Variants in NRG1 observed in about 807,000 individuals in gnomAD.
NRG1 encodes pro-neuregulin-1, membrane-bound isoform.
A neutral mutation model predicts 63.8 loss-of-function variants in NRG1; 18 were observed. The observed-to-expected ratio is 0.28, with a 90% CI of 0.19 to 0.42. The LOEUF is 0.42. Ranked by LOEUF, NRG1 falls within the 10% of genes least tolerant of loss-of-function variation. The pLI, the probability that NRG1 is intolerant of heterozygous loss-of-function variation, is 1.00. For missense variants in NRG1, 762 were observed against 814.7 expected, an observed-to-expected ratio of 0.94 and a Z score of 0.79; for synonymous variants, 302 against 301.3, an observed-to-expected ratio of 1.00 and a Z score of -0.02.
At chr8:31,745,799 T>C (rs1815790643) in intron 1 of NRG1, among the ~76,000 whole-genome samples, 1 of 151,940 alleles carries the variant, frequency 6.6e-6, no homozygotes, top group Non-Finnish European at 1.5e-5. Flanking sequence ...AAATAGTATC[T>C]TTATTGTTAT....
At chr8:31,674,374 T>C (rs1016345202) in intron 1 of NRG1, among the ~76,000 whole-genome samples, 1 of 152,186 alleles carries the variant, frequency 6.6e-6, no homozygotes, top group Non-Finnish European at 1.5e-5. Context: ...GGTTTCACTT[T>C]CTCTACATCC....
At chr8:32,152,589 A>G (rs960234096) in intron 1 of NRG1, among the ~76,000 whole-genome samples, 19 of 152,172 alleles carry the variant, frequency 1.2e-4, no homozygotes, top group Admixed American at 3.3e-4. Flanking sequence ...ATCAATATAT[A>G]CTAAACTATT....
chr8:32,020,480 C>A (rs938831269), intron 1 of NRG1, among the ~76,000 whole-genome samples: 2 of 151,910 alleles, frequency 1.3e-5, no homozygotes, highest in Non-Finnish European at 2.9e-5. Context: ...CCTTTCCTTG[C>A]TTTATTGCAA....
intron 1 of NRG1, among the ~76,000 whole-genome samples, chr8:32,107,246 G>A (rs765436996): frequency 2.6e-5 from 4 of 152,010 alleles, no homozygotes; most frequent in Non-Finnish European, 4.4e-5. Context: ...GAAATTTATC[G>A]GAGAAAACAA....
At chr8:32,497,002 G>A (rs188415070) in intron 1 of NRG1, among the ~76,000 whole-genome samples, 62 of 152,180 alleles carry the variant, frequency 4.1e-4, no homozygotes, top group African/African-American at 1.3e-3. Context: ...CCAGAATCAC[G>A]CAGCTAGTAA....
chr8:32,302,674 C>T (rs768197854), intron 1 of NRG1, among the ~76,000 whole-genome samples: 4 of 147,610 alleles, frequency 2.7e-5, no homozygotes, highest in Non-Finnish European at 4.5e-5. Flanking sequence ...AAAGAAAAGA[C>T]GAACCTGTGG....
At chr8:31,715,196 T>C (rs1812231569) in intron 1 of NRG1, among the ~76,000 whole-genome samples, 1 of 152,180 alleles carries the variant, frequency 6.6e-6, no homozygotes, top group Non-Finnish European at 1.5e-5. Flanking sequence ...ATTTATTGAA[T>C]AGAATGCAAT....
intron 1 of NRG1, among the ~76,000 whole-genome samples, chr8:31,915,444 C>T (rs961790177): frequency 3.3e-5 from 5 of 152,084 alleles, no homozygotes; most frequent in African/African-American, 1.2e-4. Context: ...AAAAACATCC[C>T]TACCCCACTA....
rs1832541221 is a variant in NRG1, at chr8:32,115,092, A to G, written c.37+475661A>G. ...GTTGCCCAGGCTGGAGTGCAGTGGCATGATCTTCGCTCACTGCAACCTTTG... is the reference window on the plus strand; with the variant it reads ...GTTGCCCAGGCTGGAGTGCAGTGGCGTGATCTTCGCTCACTGCAACCTTTG... On this transcript the variant is annotated intron_variant, in intron 1 of 10. Coordinates refer to the NRG1 transcript ENST00000519301. Among the ~76,000 whole-genome samples, 2 of 151,574 alleles carry G rather than the reference A, an allele frequency of 1.3e-5. 1 individual carries two copies. The highest frequency in any genetic ancestry group is 3.9e-4 in the East Asian group (2 of 5,120).
At chr8:32,143,727 C>T (rs1419347758) in intron 1 of NRG1, among the ~76,000 whole-genome samples, 1 of 152,248 alleles carries the variant, frequency 6.6e-6, no homozygotes, top group East Asian at 1.9e-4. Context: ...CCCAACACTT[C>T]AGATACCTTC....
At chr8:32,229,594 T>C (rs1263557208) in intron 1 of NRG1, among the ~76,000 whole-genome samples, 1 of 152,194 alleles carries the variant, frequency 6.6e-6, no homozygotes, top group Non-Finnish European at 1.5e-5. Flanking sequence ...CTCTCTCTTA[T>C]GACCTTTTTA....
At chr8:32,494,809 A>G (rs1827001518) in intron 1 of NRG1, among the ~76,000 whole-genome samples, 1 of 152,096 alleles carries the variant, frequency 6.6e-6, no homozygotes, top group African/African-American at 2.4e-5. Flanking sequence ...GTGTCTGTGC[A>G]TCCAGCCTCA....
Position 31,640,434 on chromosome 8 carries a change from C to G in NRG1, c.37+1003C>G, listed in dbSNP as rs1357669952. Reference sequence around the variant, plus strand: ...CTTGGCCCACCGCCCCGGTGCCCAGCGCCGGCGAGCCCGGGGAGGAGGCGC... The same window carrying G: ...CTTGGCCCACCGCCCCGGTGCCCAGGGCCGGCGAGCCCGGGGAGGAGGCGC... On this transcript the variant is annotated intron_variant, in intron 1 of 10. Coordinates refer to the NRG1 transcript ENST00000519301. The surrounding 1 kb of genome is among the most constrained non-coding windows in gnomAD (Gnocchi z 6.3). 2 of 1,516,482 alleles carry G rather than the reference C, an allele frequency of 1.3e-6. No homozygotes were observed. Among genetic ancestry groups the G allele is most frequent in the South Asian group, 1.2e-5 (1 of 80,512 alleles). The allele number at this position is 1,516,482 out of a possible 1,614,324, so 93.9% of individuals were successfully genotyped here.
At chr8:32,565,212 A>G (rs944251085) in intron 1 of NRG1, among the ~76,000 whole-genome samples, 1 of 152,154 alleles carries the variant, frequency 6.6e-6, no homozygotes, top group African/African-American at 2.4e-5. Flanking sequence ...TCAAACATAT[A>G]AATTGGCTTT....
intron 6 of NRG1, among the ~76,000 whole-genome samples, chr8:32,741,472 T>C (rs183925768): frequency 2.1e-3 from 315 of 152,324 alleles, no homozygotes; most frequent in African/African-American, 7.3e-3. Context: ...AAACAGGGAA[T>C]GTAGTTTTTC....
At chr8:32,539,495 T>G (rs1407067104) in intron 1 of NRG1, among the ~76,000 whole-genome samples, 4 of 151,998 alleles carry the variant, frequency 2.6e-5, no homozygotes, top group Non-Finnish European at 5.9e-5. Flanking sequence ...AAAAGGAAGA[T>G]GTAAAGAGAA....
At chr8:32,566,066 G>A (rs1837378257) in intron 1 of NRG1, among the ~76,000 whole-genome samples, 1 of 152,204 alleles carries the variant, frequency 6.6e-6, no homozygotes, top group Middle Eastern at 3.4e-3. Flanking sequence ...TCAAGACAAT[G>A]TGTCTGGCCG....
At chr8:32,548,254 G>T (rs946221575), upstream of NRG1, 2 of 985,884 alleles carry the variant, frequency 2.0e-6, no homozygotes, top group Non-Finnish European at 2.4e-6. Flanking sequence ...TCCAACCTGC[G>T]GGCGGGAGGT....
intron 1 of NRG1, among the ~76,000 whole-genome samples, chr8:32,364,723 T>G (rs1807710180): frequency 6.6e-6 from 1 of 152,112 alleles, no homozygotes; most frequent in South Asian, 2.1e-4. Flanking sequence ...AAGTCCACAT[T>G]TTAAGTTTTG....
Sources: gnomAD v4.1 joint callset for allele counts (sites outside exome capture counted in the v4.1 genomes callset) on GRCh38, gnomAD v4.1.1 for gene constraint, Gnocchi (gnomAD v3.1) non-coding constraint, MANE v1.5 for transcripts, NCBI Gene and HGNC (gene_info 2026-07-23, HGNC 2026-07-21) for gene names.